The following DNAH12 variants were observed in gnomAD, a reference collection of about 807,000 sequenced individuals.
DNAH12 encodes the protein dynein axonemal heavy chain 12.
DNAH12 carries 285 observed loss-of-function variants against 371.5 expected under a neutral mutation model. The observed-to-expected ratio is 0.77, with a 90% CI of 0.70 to 0.85. The LOEUF (loss-of-function observed/expected upper bound fraction) is 0.85. Among genes scored for constraint, DNAH12 ranks in the 40% least tolerant of loss-of-function variants. The pLI is 0.00. For synonymous variants in DNAH12, 1,200 were observed against 1,213.0 expected (o/e 0.99, Z 0.22); for missense variants, 3,611 against 3,689.4 (o/e 0.98, Z 0.55).
intron 43 of DNAH12, among the ~76,000 whole-genome samples, chr3:57,397,378 AGT>A (rs1301290569): frequency 6.6e-6 from 1 of 152,230 alleles, no homozygotes; most frequent in Non-Finnish European, 1.5e-5. Context: ...AGCTGGGCAC[AGT>A]TTGGGGAGAT....
chr3:57,294,122 T>C lies in DNAH12; in HGVS notation c.11693-151A>G, dbSNP rs78164778. Among the ~76,000 whole-genome samples, 7 of 152,224 alleles carry C rather than the reference T, an allele frequency of 4.6e-5. No individual in the cohort carries two copies. In the East Asian group the frequency reaches 1.3e-3, roughly 29 times the overall value. ...AGGTTTTACAGCATATATATTTTTTTACAGTACATATAGTATTACGGTTGT... is the reference window on the plus strand; with the variant it reads ...AGGTTTTACAGCATATATATTTTTTCACAGTACATATAGTATTACGGTTGT... On this transcript the variant is annotated intron_variant, in intron 73 of 73. Coordinates refer to ENST00000495027, the MANE Select transcript of DNAH12 (RefSeq NM_001366028.2).
intron 58 of DNAH12, among the ~76,000 whole-genome samples, chr3:57,361,186 C>G (rs2062919444): frequency 6.6e-6 from 1 of 151,268 alleles, no homozygotes; most frequent in Non-Finnish European, 1.5e-5. Flanking sequence ...CCTGTCTCTA[C>G]TAAAAATACA....
At chr3:57,481,038 C>T (rs1319751854) in intron 13 of DNAH12, among the ~76,000 whole-genome samples, 6 of 152,178 alleles carry the variant, frequency 3.9e-5, no homozygotes, top group Admixed American at 2.0e-4. Flanking sequence ...TTCACCACTC[C>T]TATTCAACAA....
At chr3:57,326,113 G>C (rs2061938526) in intron 62 of DNAH12, among the ~76,000 whole-genome samples, 2 of 152,104 alleles carry the variant, frequency 1.3e-5, no homozygotes, top group East Asian at 1.9e-4. Flanking sequence ...GGGGAGAATG[G>C]AACCAAGTTG....
chr3:57,396,661 A>C (rs1290742638), intron 43 of DNAH12, among the ~76,000 whole-genome samples: 18 of 152,000 alleles, frequency 1.2e-4, no homozygotes, highest in Admixed American at 9.8e-4. Context: ...TTACAGGTGC[A>C]TTCCACTACA....
chr3:57,350,894 A>G (rs2062655502), intron 60 of DNAH12, among the ~76,000 whole-genome samples: 1 of 152,254 alleles, frequency 6.6e-6, no homozygotes. Flanking sequence ...CAACTTCATT[A>G]GTCATCAGAG....
chr3:57,390,424 A>AAT lies in DNAH12; in HGVS notation c.7305+1446_7305+1447dup, dbSNP rs1159621191. The stretch of plus-strand genomic sequence containing the variant: ...ATCCTGTCTCAAAAAAAAAAAAAAA[A>AAT]ATATATATATATATATATATATATA... On this transcript the variant is annotated intron_variant, in intron 45 of 73. Coordinates refer to ENST00000495027, the MANE Select transcript of DNAH12 (RefSeq NM_001366028.2). 8.4e-4 allele frequency among the ~76,000 whole-genome samples: 28 copies of AAT among 33,432 alleles called. 2 individuals carry two copies. Among genetic ancestry groups the AAT allele is most frequent in the African/African-American group, 1.2e-3 (19 of 15,862 alleles). The allele number at this position is 33,432 out of a possible 152,430, so 21.9% of individuals were successfully genotyped here. A position where few individuals can be genotyped will look rare whatever the true frequency, so the allele number is the denominator to read the frequency against.
rs2067520862 is a variant in DNAH12 at position 57,500,930 on chromosome 3, AC to A, written c.1335+390del. Among the ~76,000 whole-genome samples, 3 of 151,860 alleles carry A rather than the reference AC, an allele frequency of 2.0e-5. No homozygotes were observed. In the South Asian group the frequency reaches 6.2e-4, roughly 32 times the overall value. On this transcript the variant is annotated intron_variant, in intron 11 of 73. Transcript: ENST00000495027. ...ACCACCATACCTGGCTAATTCAAAAACAAAAACAAAAACAAAAACAAAAAAA... is the reference window on the plus strand; with the variant it reads ...ACCACCATACCTGGCTAATTCAAAAAAAAAACAAAAACAAAAACAAAAAAA...
chr3:57,422,497 A>C (rs1327307003), intron 35 of DNAH12, among the ~76,000 whole-genome samples: 1 of 152,088 alleles, frequency 6.6e-6, no homozygotes, highest in Non-Finnish European at 1.5e-5. Context: ...CCCGGCCTCT[A>C]ACAAAATTTT....
intron 73 of DNAH12, among the ~76,000 whole-genome samples, chr3:57,294,830 T>G (rs1156965487): frequency 1.3e-5 from 2 of 152,184 alleles, no homozygotes; most frequent in Non-Finnish European, 2.9e-5. Flanking sequence ...CTTTCCAAAC[T>G]AAGGTCACGT....
At chr3:57,514,167 G>T (rs992481922) in intron 4 of DNAH12, among the ~76,000 whole-genome samples, 1 of 152,134 alleles carries the variant, frequency 6.6e-6, no homozygotes, top group African/African-American at 2.4e-5. Flanking sequence ...GCTGAGGCGG[G>T]CGGATCACCT....
intron 11 of DNAH12, 143 bp downstream of exon 11, chr3:57,501,178 A>C (rs1445823648): frequency 1.6e-6 from 1 of 644,676 alleles, no homozygotes; most frequent in Non-Finnish European, 2.6e-6. Flanking sequence ...TGACTAAAGA[A>C]ATTGTAAGGT....
intron 62 of DNAH12, among the ~76,000 whole-genome samples, chr3:57,327,359 C>T (rs1559556695): frequency 6.6e-6 from 1 of 151,904 alleles, no homozygotes; most frequent in Non-Finnish European, 1.5e-5. Context: ...AACAAACTAT[C>T]TCTCAGACCA....
intron 8 of DNAH12, among the ~76,000 whole-genome samples, chr3:57,504,884 C>A (rs1350513617): frequency 3.0e-5 from 4 of 135,040 alleles, no homozygotes; most frequent in African/African-American, 1.1e-4. Context: ...TTTCTTTTTT[C>A]TTTTTGTTTG....
At chr3:57,359,964 T>C (rs1191740225) in intron 58 of DNAH12, among the ~76,000 whole-genome samples, 2 of 152,196 alleles carry the variant, frequency 1.3e-5, no homozygotes, top group Admixed American at 6.5e-5. Context: ...ATGTTTGCAA[T>C]GATCAGTGGG....
chr3:57,337,294 G>T lies in DNAH12; in HGVS notation c.9675-2354C>A, dbSNP rs2062247618. 1.3e-5 allele frequency among the ~76,000 whole-genome samples: 2 copies of T among 152,024 alleles called. 1 individual carries two copies. Among genetic ancestry groups the T allele is most frequent in the South Asian group, 4.2e-4 (2 of 4,816 alleles). ...GGCCATAGGCAGGAGGACTGCTTGA[G>T]CCCAGGAGCTCCAGACCGGCCTGGG... On this transcript the variant is annotated intron_variant, in intron 60 of 73. Coordinates refer to ENST00000495027, the MANE Select transcript of DNAH12 (RefSeq NM_001366028.2).
At chr3:57,390,424 A>AAAAAAAAAAAAAAT in intron 45 of DNAH12, among the ~76,000 whole-genome samples, 5 of 33,440 alleles carry the variant, frequency 1.5e-4, no homozygotes, top group African/African-American at 3.2e-4. Flanking sequence ...AAAAAAAAAA[A>AAAAAAAAAAAAAAT]ATATATATAT....
chr3:57,503,545 T>C (rs1053944512), intron 9 of DNAH12, among the ~76,000 whole-genome samples: 19 of 151,866 alleles, frequency 1.3e-4, no homozygotes, highest in Non-Finnish European at 5.9e-5. Flanking sequence ...CGCGCCACCA[T>C]GCCCAGCTAA....
chr3:57,411,545 AAAAAAAAAAAG>A (rs1472536293), intron 39 of DNAH12, among the ~76,000 whole-genome samples: 9 of 94,194 alleles, frequency 9.6e-5, no homozygotes, highest in Non-Finnish European at 1.7e-4. Flanking sequence ...AAAAAAAAAA[AAAAAAAAAAAG>A]AAAGAAAGAA....
Sources: allele counts gnomAD v4.1 joint callset (sites outside exome capture counted in the v4.1 genomes callset), GRCh38; gene constraint gnomAD v4.1.1; transcripts MANE v1.5; gene names NCBI Gene and HGNC (gene_info 2026-07-23, HGNC 2026-07-21).